The following AP4E1 variants were observed in gnomAD, a reference collection of about 807,000 sequenced individuals.
The protein encoded by AP4E1 is adaptor related protein complex 4 subunit epsilon 1.
AP4E1 carries 56 observed loss-of-function variants against 128.2 expected under a neutral mutation model. The ratio of observed to expected loss-of-function variants is 0.44; its 90% CI spans 0.35 to 0.55. AP4E1 has a LOEUF of 0.55. Among genes scored for constraint, AP4E1 ranks in the 20% least tolerant of loss-of-function variants. AP4E1 has a pLI of 0.00. For missense variants in AP4E1, 1,324 were observed against 1,307.7 expected (o/e 1.01, Z -0.19); for synonymous variants, 484 against 473.1 (o/e 1.02, Z -0.30).
At chr15:50,966,264 AAG>A (rs1242119221) in intron 14 of AP4E1, among the ~76,000 whole-genome samples, 1 of 152,224 alleles carries the variant, frequency 6.6e-6, no homozygotes, top group African/African-American at 2.4e-5. Flanking sequence ...TTAGCTGAGA[AAG>A]AGAAAATAAA....
Position 51,005,329 on chromosome 15 carries a change from T to TGGCA in AP4E1, c.*2669_*2672dup, listed in dbSNP as rs1228726472. The TGGCA allele has an allele frequency of 6.5e-6, 1 of 152,742 alleles. No individual in the cohort carries two copies. The highest frequency in any genetic ancestry group is 1.5e-5 in the Non-Finnish European group (1 of 68,194). The allele number at this position is 152,742 out of a possible 1,614,324, so 9.5% of individuals were successfully genotyped here. A position where few individuals can be genotyped will look rare whatever the true frequency, so the allele number is the denominator to read the frequency against. The stretch of plus-strand genomic sequence containing the variant: ...CAGGCATCTTTGCTGAAAATGGAGA[T>TGGCA]GGCAGCAAGTGTGAATCTGGGGGAA... On this transcript the variant is annotated 3_prime_UTR_variant, in exon 21 of 21. Transcript: ENST00000261842.
chr15:50,918,093 A>G (rs1417212137), intron 3 of AP4E1: 5 of 152,202 alleles, frequency 3.3e-5, no homozygotes, highest in African/African-American at 4.8e-5. Flanking sequence ...GAGCCAGAGC[A>G]TGTCTCAAAA....
intron 2 of AP4E1, among the ~76,000 whole-genome samples, chr15:50,913,875 G>A (rs534301410): frequency 2.6e-5 from 4 of 152,238 alleles, no homozygotes; most frequent in South Asian, 2.1e-4. Flanking sequence ...GTGCAACTGC[G>A]TGATCTTGGC....
Position 50,948,135 on chromosome 15 carries a change from G to A in AP4E1, c.1292G>A (p.Gly431Asp). The change falls in exon 11 of 21, where the codon GGC becomes GAC. Residue 431 changes from glycine to aspartate, a missense_variant. Coordinates refer to ENST00000261842, the MANE Select transcript of AP4E1 (RefSeq NM_007347.5). ...GAGTATGTCATCGTCAATTTGGTCG[G>A]CAAAATAGCAGAGCTGGCTGAGAAA... ...KEEYVIVNLVGKIAELAEKYA... is the reference protein window; with the variant it reads ...KEEYVIVNLVDKIAELAEKYA... 3 of 1,613,862 alleles carry A rather than the reference G, an allele frequency of 1.9e-6. No individual in the cohort carries two copies. Among genetic ancestry groups the A allele is most frequent in the East Asian group, 4.5e-5 (2 of 44,832 alleles).
chr15:50,991,044 G>A (rs932253393), intron 16 of AP4E1, among the ~76,000 whole-genome samples: 2 of 152,204 alleles, frequency 1.3e-5, no homozygotes, highest in African/African-American at 4.8e-5. Flanking sequence ...ACCCTTCAGA[G>A]TTGTGCTGAG....
chr15:50,982,039 C>G (rs1033893692), intron 15 of AP4E1, among the ~76,000 whole-genome samples: 1 of 132,280 alleles, frequency 7.6e-6, no homozygotes, highest in Non-Finnish European at 1.5e-5. Flanking sequence ...GAGCTGAGAT[C>G]ATGCCATTGC....
rs2064122816 is a variant in AP4E1 at position 50,949,918 on chromosome 15, T to G, written c.1409T>G (p.Phe470Cys). 6.2e-7 allele frequency: 1 copy of G among 1,613,256 alleles called. No homozygotes were observed. Among genetic ancestry groups the G allele is most frequent in the Admixed American group, 1.7e-5 (1 of 60,010 alleles). Residue 470 changes from phenylalanine (F) to cysteine (C), a missense_variant, in exon 12 of 21, where the codon TTT becomes TGT. Transcript: ENST00000261842. The stretch of plus-strand genomic sequence containing the variant: ...ATGCATCCTGATATTCCCAATAACT[T>G]TCTGAGACTACTAGCGGAAGGTTGG... ...DVMHPDIPNN[F>C]LRLLAEGFDD... is the part of the protein sequence containing the mutation.
chr15:50,945,042 G>A, intron 10 of AP4E1: 2 of 776,982 alleles, frequency 2.6e-6, no homozygotes, highest in Non-Finnish European at 4.8e-6. Flanking sequence ...TTTCACCGTT[G>A]GTGGTGACAA....
intron 5 of AP4E1, among the ~76,000 whole-genome samples, chr15:50,927,254 T>G (rs1454435158): frequency 6.6e-6 from 1 of 152,110 alleles, no homozygotes; most frequent in Non-Finnish European, 1.5e-5. Context: ...CTGGCTAGAG[T>G]TTAGACTTTT....
intron 1 of AP4E1, among the ~76,000 whole-genome samples, chr15:50,911,713 A>G (rs1179385086): frequency 6.6e-6 from 1 of 151,976 alleles, no homozygotes; most frequent in Non-Finnish European, 1.5e-5. Context: ...GCTGACCTCA[A>G]GTGATTCACT....
chr15:50,930,875 A>G lies in AP4E1; in HGVS notation c.773A>G (p.Lys258Arg), dbSNP rs2063826694. 6.2e-7 allele frequency: 1 copy of G among 1,614,152 alleles called. No individual in the cohort carries two copies. The highest frequency in any genetic ancestry group is 1.3e-5 in the African/African-American group (1 of 75,048). The change falls in exon 7 of 21, where the codon AAG (lysine) becomes AGG (arginine). Residue 258 changes from lysine to arginine, a missense_variant. Transcript: ENST00000261842. ...VTILKQVVGGKLPVEFNYHSV... is the reference protein window; with the variant it reads ...VTILKQVVGGRLPVEFNYHSV... ...ATTTTGAAGCAAGTAGTTGGAGGAA[A>G]GCTCCCAGTAGAATTCAATTACCAC...
chr15:50,915,434 A>G lies in AP4E1; in HGVS notation c.223-14A>G. 2 of 1,609,724 alleles carry G rather than the reference A, an allele frequency of 1.2e-6. No homozygotes were observed. Among genetic ancestry groups the G allele is most frequent in the Non-Finnish European group, 1.7e-6 (2 of 1,176,472 alleles). Reference sequence around the variant, plus strand: ...CTGTTTATTTATACAGCTACTGGATATTTTGCTTTTCAGAAAATGATGAAG... The same window carrying G: ...CTGTTTATTTATACAGCTACTGGATGTTTTGCTTTTCAGAAAATGATGAAG... On this transcript the variant is annotated splice_polypyrimidine_tract_variant and intron_variant, in intron 2 of 20. Coordinates refer to ENST00000261842, the MANE Select transcript of AP4E1 (RefSeq NM_007347.5).
At chr15:50,940,300 A>G (rs928989053) in intron 8 of AP4E1, among the ~76,000 whole-genome samples, 10 of 152,132 alleles carry the variant, frequency 6.6e-5, no homozygotes, top group Admixed American at 6.5e-4. Flanking sequence ...AAAAATTAAT[A>G]TATCTGATTT....
intron 16 of AP4E1, among the ~76,000 whole-genome samples, chr15:50,989,004 G>A (rs116835815): frequency 0.011 from 1,691 of 152,272 alleles, 29 homozygotes; most frequent in African/African-American, 0.039. Flanking sequence ...ACATTTGTAA[G>A]TACATAGTAC....
At position 50,999,095 on chromosome 15, in the gene AP4E1, T is replaced by C; in HGVS notation, c.2928T>C (p.Cys976=). 2 of 1,614,028 alleles carry C rather than the reference T, an allele frequency of 1.2e-6. No homozygotes were observed. The highest frequency in any genetic ancestry group is 1.7e-6 in the Non-Finnish European group (2 of 1,179,950). The part of the protein sequence containing the change: ...NFKVTEQPGC[C]LPVMEAESTK... ...AGGTGACTGAGCAACCTGGATGCTGTTTGCCTGTAATGGAAGCAGAAAGCA... is the reference window on the plus strand; with the variant it reads ...AGGTGACTGAGCAACCTGGATGCTGCTTGCCTGTAATGGAAGCAGAAAGCA... The change falls in exon 19 of 21, where the codon TGT becomes TGC. Residue 976 remains cysteine, a synonymous_variant. Transcript: ENST00000261842.
intron 2 of AP4E1, among the ~76,000 whole-genome samples, chr15:50,914,507 T>C (rs970925166): frequency 6.6e-6 from 1 of 151,862 alleles, no homozygotes; most frequent in Non-Finnish European, 1.5e-5. Flanking sequence ...AAAAATTAGA[T>C]GGGCGTGGTG....
In AP4E1 at chr15:50,908,747, G is replaced by A. The variant is rs1162659410; in HGVS notation, c.-32G>A. The A allele has an allele frequency of 2.0e-6, 3 of 1,503,276 alleles. No individual in the cohort carries two copies. Among genetic ancestry groups the A allele is most frequent in the Non-Finnish European group, 2.7e-6 (3 of 1,128,042 alleles). 93.1% of individuals were successfully genotyped at this position (1,503,276 alleles called of 1,614,324 possible). ...TGAAGCCGGGCGGCTACGGGATCGC[G>A]GGCGGCGGCGGCATCGCGGGCGGCG... On this transcript the variant is annotated 5_prime_UTR_variant, in exon 1 of 21. Coordinates refer to ENST00000261842, the MANE Select transcript of AP4E1 (RefSeq NM_007347.5).
chr15:50,946,032 T>G, intron 10 of AP4E1: 1 of 827,206 alleles, frequency 1.2e-6, no homozygotes, highest in East Asian at 2.5e-5. Context: ...TGTACAATTA[T>G]TTGTTACTTT....
At chr15:50,986,552 T>C (rs1349336608) in intron 16 of AP4E1, among the ~76,000 whole-genome samples, 1 of 152,216 alleles carries the variant, frequency 6.6e-6, no homozygotes, top group Non-Finnish European at 1.5e-5. Flanking sequence ...CTTTTCTGCA[T>C]CTATTGAGAT....
Sources: allele counts gnomAD v4.1 joint callset (sites outside exome capture counted in the v4.1 genomes callset), GRCh38; gene constraint gnomAD v4.1.1; transcripts MANE v1.5; gene names NCBI Gene and HGNC (gene_info 2026-07-23, HGNC 2026-07-21).